The following PCDH9 variants were observed in gnomAD, a reference collection of about 807,000 sequenced individuals.
PCDH9 encodes protocadherin-9.
A neutral mutation model predicts 70.6 loss-of-function variants in PCDH9; 24 were observed. That is an observed-to-expected ratio of 0.34 (90% confidence interval 0.25 to 0.48). The LOEUF (loss-of-function observed/expected upper bound fraction) is 0.48. PCDH9 is among the 20% of genes least tolerant of loss of function. The pLI is 0.99. For synonymous variants in PCDH9, 562 were observed against 558.5 expected, an observed-to-expected ratio of 1.01 and a Z score of -0.09; for missense variants, 1,281 against 1,503.6, an observed-to-expected ratio of 0.85 and a Z score of 2.45.
intron 2 of PCDH9, among the ~76,000 whole-genome samples, chr13:67,159,476 T>C (rs543940027): frequency 9.1e-4 from 139 of 152,224 alleles, no homozygotes; most frequent in African/African-American, 3.3e-3. Flanking sequence ...TGAAATGGAA[T>C]GGAATTTACA....
At chr13:67,036,607 T>G (rs904916646) in intron 2 of PCDH9, among the ~76,000 whole-genome samples, 1 of 152,334 alleles carries the variant, frequency 6.6e-6, no homozygotes, top group South Asian at 2.1e-4. Flanking sequence ...TGTTGTTATA[T>G]TTAAATTAAA....
chr13:67,143,476 A>G (rs2087446972), intron 2 of PCDH9, among the ~76,000 whole-genome samples: 1 of 152,308 alleles, frequency 6.6e-6, no homozygotes, highest in Admixed American at 6.5e-5. Context: ...TGGATCAAGT[A>G]CCAGGTCATT....
At chr13:66,961,569 G>C (rs910092344) in intron 2 of PCDH9, among the ~76,000 whole-genome samples, 2 of 152,132 alleles carry the variant, frequency 1.3e-5, no homozygotes, top group Admixed American at 6.5e-5. Flanking sequence ...TGAGGTGAGG[G>C]GGTTACTTGA....
intron 2 of PCDH9, among the ~76,000 whole-genome samples, chr13:66,948,133 G>A (rs1347996323): frequency 1.3e-5 from 2 of 152,014 alleles, no homozygotes; most frequent in East Asian, 3.9e-4. Flanking sequence ...AGAGTATAGT[G>A]TTGATATTGA....
chr13:66,388,674 T>C (rs1956970878), intron 4 of PCDH9, among the ~76,000 whole-genome samples: 1 of 152,182 alleles, frequency 6.6e-6, no homozygotes, highest in Admixed American at 6.5e-5. Flanking sequence ...GAGTTCATTG[T>C]ATTTTGAGGG....
chr13:67,017,188 C>T (rs2084580619), intron 2 of PCDH9, among the ~76,000 whole-genome samples: 1 of 152,164 alleles, frequency 6.6e-6, no homozygotes, highest in Admixed American at 6.5e-5. Flanking sequence ...TCATTTAGGG[C>T]AGAAGTTGAA....
chr13:66,711,097 G>A (rs1483823870), intron 3 of PCDH9, among the ~76,000 whole-genome samples: 1 of 152,102 alleles, frequency 6.6e-6, no homozygotes, highest in African/African-American at 2.4e-5. Context: ...CAAAATAATA[G>A]AGTATTATTT....
At chr13:66,870,893 T>A (rs555763432) in intron 3 of PCDH9, among the ~76,000 whole-genome samples, 1 of 152,138 alleles carries the variant, frequency 6.6e-6, no homozygotes, top group Non-Finnish European at 1.5e-5. Context: ...ACTGGGTATA[T>A]ACCCAAAGGA....
intron 3 of PCDH9, among the ~76,000 whole-genome samples, chr13:66,806,006 G>C (rs1346753705): frequency 6.6e-6 from 1 of 151,210 alleles, no homozygotes; most frequent in Non-Finnish European, 1.5e-5. Context: ...GCTGCAAACA[G>C]CATGACTTTT....
intron 4 of PCDH9, among the ~76,000 whole-genome samples, chr13:66,339,637 T>C (rs1956093604): frequency 6.6e-6 from 1 of 152,174 alleles, no homozygotes; most frequent in South Asian, 2.1e-4. Flanking sequence ...TTTTTTGCAA[T>C]GTGTATGCAA....
At chr13:66,336,611 T>G (rs1284538426) in intron 4 of PCDH9, among the ~76,000 whole-genome samples, 1 of 152,132 alleles carries the variant, frequency 6.6e-6, no homozygotes, top group Non-Finnish European at 1.5e-5. Context: ...AATTTTATTG[T>G]AGGTTTATGA....
At chr13:66,973,884 G>A (rs1368270945) in intron 2 of PCDH9, among the ~76,000 whole-genome samples, 3 of 151,340 alleles carry the variant, frequency 2.0e-5, no homozygotes, top group Non-Finnish European at 4.4e-5. Flanking sequence ...GTTTACTTTT[G>A]CACACTGTCC....
At chr13:66,959,942 T>G (rs933412700) in intron 2 of PCDH9, among the ~76,000 whole-genome samples, 2 of 152,136 alleles carry the variant, frequency 1.3e-5, no homozygotes, top group African/African-American at 4.8e-5. Context: ...TTTAACTTCC[T>G]AAGAACATTG....
intron 4 of PCDH9, among the ~76,000 whole-genome samples, chr13:66,350,300 T>A (rs143633716): frequency 2.6e-5 from 4 of 152,218 alleles, no homozygotes; most frequent in Non-Finnish European, 5.9e-5. Flanking sequence ...AGGCTGAACA[T>A]CTTCAGGTAA....
chr13:66,979,113 G>A (rs2083685370), intron 2 of PCDH9, among the ~76,000 whole-genome samples: 1 of 152,054 alleles, frequency 6.6e-6, no homozygotes, highest in East Asian at 1.9e-4. Flanking sequence ...TAAGTGTTGA[G>A]TTCAGAAAAA....
chr13:66,468,459 T>C (rs1233265521), intron 4 of PCDH9, among the ~76,000 whole-genome samples: 1 of 152,124 alleles, frequency 6.6e-6, no homozygotes, highest in East Asian at 1.9e-4. Flanking sequence ...CACCTAGTAA[T>C]GAAACTGTTA....
intron 4 of PCDH9, among the ~76,000 whole-genome samples, chr13:66,514,563 A>G (rs1194572356): frequency 6.6e-6 from 1 of 151,850 alleles, no homozygotes; most frequent in East Asian, 1.9e-4. Context: ...GCAACAATTT[A>G]TGTTAAAAAA....
At chr13:66,928,521 ATATGTTGAAAAC>A in intron 2 of PCDH9, among the ~76,000 whole-genome samples, 1 of 152,230 alleles carries the variant, frequency 6.6e-6, no homozygotes, top group East Asian at 1.9e-4. Flanking sequence ...CCCCAAATTC[ATATGTTGAAAAC>A]TAATTCCCAG....
At chr13:66,949,692 A>G (rs1389767863) in intron 2 of PCDH9, among the ~76,000 whole-genome samples, 1 of 152,076 alleles carries the variant, frequency 6.6e-6, no homozygotes, top group Non-Finnish European at 1.5e-5. Flanking sequence ...ATCAAGGATC[A>G]TCTCCATCGA....
Sources: allele counts gnomAD v4.1 joint callset (sites outside exome capture counted in the v4.1 genomes callset), GRCh38; gene constraint gnomAD v4.1.1; transcripts MANE v1.5; gene names NCBI Gene and HGNC (gene_info 2026-07-23, HGNC 2026-07-21).